CYP2B6: variants seen among roughly 807,000 people sequenced by gnomAD.
CYP2B6 encodes the protein cytochrome P450 2B6.
Under a neutral mutation model 43.4 loss-of-function variants are expected in CYP2B6, and 35 were observed. The observed-to-expected ratio is 0.81, with a 90% CI of 0.62 to 1.07. CYP2B6 has a LOEUF of 1.07. CYP2B6 is among the 50% of genes least tolerant of loss of function. CYP2B6 has a pLI of 0.00. For synonymous variants in CYP2B6, 239 were observed against 239.2 expected, an observed-to-expected ratio of 1.00 and a Z score of 0.01; for missense variants, 624 against 632.8, an observed-to-expected ratio of 0.99 and a Z score of 0.15.
At chr19:41,007,769 G>A (rs990281352) in intron 4 of CYP2B6, among the ~76,000 whole-genome samples, 2 of 152,180 alleles carry the variant, frequency 1.3e-5, no homozygotes, top group Admixed American at 6.5e-5. Flanking sequence ...GATTACAGGC[G>A]CCTGCCGCTA....
chr19:40,996,057 ACCTTATCGGTCCGGTGAC>A (rs1258976552), intron 1 of CYP2B6, among the ~76,000 whole-genome samples: 5 of 152,210 alleles, frequency 3.3e-5, no homozygotes, highest in Admixed American at 3.3e-4. Context: ...TTGCAACCTA[ACCTTATCGGTCCGGTGAC>A]CCTGCAGCTG....
intron 1 of CYP2B6, among the ~76,000 whole-genome samples, chr19:41,001,915 T>C (rs74915357): frequency 1.4e-3 from 205 of 146,590 alleles, no homozygotes; most frequent in African/African-American, 5.1e-3. Flanking sequence ...CTACGTTAGA[T>C]TGAGTGGTTA....
At chr19:40,991,879 TA>T (rs1213518153) in intron 1 of CYP2B6, among the ~76,000 whole-genome samples, 1 of 152,066 alleles carries the variant, frequency 6.6e-6, no homozygotes, top group African/African-American at 2.4e-5. Context: ...CTGCTCTGAT[TA>T]GCCAACACTT....
intron 1 of CYP2B6, among the ~76,000 whole-genome samples, chr19:40,998,235 C>A (rs184311755): frequency 1.3e-5 from 2 of 152,124 alleles, no homozygotes; most frequent in African/African-American, 4.8e-5. Context: ...GCTCTGCAGA[C>A]GCTATCTGGG....
intron 1 of CYP2B6, among the ~76,000 whole-genome samples, chr19:40,999,995 T>C (rs74833194): frequency 6.6e-6 from 1 of 152,118 alleles, no homozygotes; most frequent in Admixed American, 6.6e-5. Flanking sequence ...TTTGACCCTC[T>C]CCCTTCCTTT....
At position 41,003,862 on chromosome 19, in the gene CYP2B6, C is replaced by T. The variant is rs1294571783; in HGVS notation, c.172-139C>T. 282 of 1,144,760 alleles carry T rather than the reference C, an allele frequency of 2.5e-4. No homozygotes were observed. The African/African-American group carries it at 3.5e-3, about 14-fold the overall frequency. 70.9% of individuals were successfully genotyped at this position (1,144,760 alleles called of 1,614,324 possible). A position where few individuals can be genotyped will look rare whatever the true frequency, so the allele number is the denominator to read the frequency against. ...CCATTAACCCTTAATTGCTGGGTCCCAGCAGGGGAAAGGGCAGCCTGGGGA... is the reference window on the plus strand; with the variant it reads ...CCATTAACCCTTAATTGCTGGGTCCTAGCAGGGGAAAGGGCAGCCTGGGGA... On this transcript the variant is annotated intron_variant, in intron 1 of 8. Transcript: ENST00000324071.
At chr19:41,003,935 T>C in intron 1 of CYP2B6, 66 bp from the exon 2 acceptor site, 2 of 1,568,580 alleles carry the variant, frequency 1.3e-6, no homozygotes, top group Non-Finnish European at 8.7e-7. Context: ...TGTAAGTATT[T>C]TGATAGTTTT....
At chr19:40,997,421 T>C (rs1969013982) in intron 1 of CYP2B6, among the ~76,000 whole-genome samples, 1 of 152,110 alleles carries the variant, frequency 6.6e-6, no homozygotes, top group Admixed American at 6.5e-5. Flanking sequence ...TTGACCATAC[T>C]CCTGAATCTT....
At chr19:41,009,600 C>T (rs1969246370) in intron 5 of CYP2B6, 3 of 639,018 alleles carry the variant, frequency 4.7e-6, no homozygotes, top group African/African-American at 1.9e-5. Flanking sequence ...GGAGGAGGAA[C>T]TGAGACAGGG....
intron 5 of CYP2B6, chr19:41,009,619 G>A: frequency 3.2e-6 from 2 of 628,436 alleles, no homozygotes; most frequent in Non-Finnish European, 2.8e-6. Flanking sequence ...GGAGAGAGGG[G>A]AGGTGGGAAG....
rs561830421 is a variant in CYP2B6 at position 40,992,201 on chromosome 19, C to CAAAAA, written c.171+741_171+745dup. Among the ~76,000 whole-genome samples, 174 of 62,562 alleles carry CAAAAA rather than the reference C, an allele frequency of 2.8e-3. 3 individuals carry two copies. Among genetic ancestry groups the CAAAAA allele is most frequent in the African/African-American group, 7.6e-3 (140 of 18,384 alleles). 41.0% of individuals were successfully genotyped at this position (62,562 alleles called of 152,430 possible). A position where few individuals can be genotyped will look rare whatever the true frequency, so the allele number is the denominator to read the frequency against. Reference sequence around the variant, plus strand: ...TGGGTGACAGAGTGAGACTCCTTCTCAAAAAAAAAAAAAAAAAAAAGAATA... The same window carrying CAAAAA: ...TGGGTGACAGAGTGAGACTCCTTCTCAAAAAAAAAAAAAAAAAAAAAAAAAGAATA... On this transcript the variant is annotated intron_variant, in intron 1 of 8. Transcript: ENST00000324071.
intron 1 of CYP2B6, among the ~76,000 whole-genome samples, chr19:41,002,570 T>C (rs1356916824): frequency 6.6e-6 from 1 of 152,114 alleles, no homozygotes; most frequent in East Asian, 1.9e-4. Context: ...GTTCCTGAGA[T>C]TGAATTTTGC....
In CYP2B6 at chr19:41,016,803, C is replaced by T; in HGVS notation, c.1452C>T (p.Tyr484=). Residue 484 remains tyrosine (Y), a synonymous_variant, in exon 9 of 9, where the codon TAC becomes TAT. Coordinates refer to ENST00000324071, the MANE Select transcript of CYP2B6 (RefSeq NM_000767.5). ...GTGTGGGCAAAATACCCCCAACATA[C>T]CAGATCCGCTTCCTGCCCCGCTGAA... The part of the protein sequence containing the change: ...ECGVGKIPPT[Y]QIRFLPR The T allele has an allele frequency of 1.2e-6, 2 of 1,614,070 alleles. No homozygotes were observed. Among genetic ancestry groups the T allele is most frequent in the South Asian group, 1.1e-5 (1 of 91,068 alleles).
At position 40,991,371 on chromosome 19, in the gene CYP2B6, C is replaced by T. The variant is rs1379833166; in HGVS notation, c.66C>T (p.Arg22=). 3.1e-6 allele frequency: 5 copies of T among 1,614,108 alleles called. No individual in the cohort carries two copies. Among genetic ancestry groups the T allele is most frequent in the East Asian group, 2.2e-5 (1 of 44,878 alleles). The part of the protein sequence containing the change: ...LTGLLLLLVQ[R]HPNTHDRLPP... ...GACTCTTGCTACTCCTGGTTCAGCG[C>T]CACCCTAACACCCATGACCGCCTCC... Residue 22 remains arginine, a synonymous_variant, in exon 1 of 9, where the codon CGC becomes CGT. Transcript: ENST00000324071.
chr19:41,005,955 A>G (rs941978212), intron 3 of CYP2B6, among the ~76,000 whole-genome samples: 3 of 151,722 alleles, frequency 2.0e-5, no homozygotes, highest in Non-Finnish European at 4.4e-5. Flanking sequence ...CAGGCAAGTG[A>G]GAACCAGAGA....
At chr19:41,014,614 G>A (rs941323784) in intron 8 of CYP2B6, among the ~76,000 whole-genome samples, 7 of 152,140 alleles carry the variant, frequency 4.6e-5, no homozygotes, top group African/African-American at 1.4e-4. Flanking sequence ...CTGCTAATTT[G>A]TTTTAAGAGA....
In CYP2B6 at chr19:41,016,773, G is replaced by A; in HGVS notation, c.1422G>A (p.Glu474=). 3 of 1,614,186 alleles carry A rather than the reference G, an allele frequency of 1.9e-6. No individual in the cohort carries two copies. The highest frequency in any genetic ancestry group is 2.5e-6 in the Non-Finnish European group (3 of 1,180,034). ...APEDIDLTPQ[E]CGVGKIPPTY... ...AAGACATCGATCTGACACCCCAGGAGTGTGGTGTGGGCAAAATACCCCCAA... is the reference window on the plus strand; with the variant it reads ...AAGACATCGATCTGACACCCCAGGAATGTGGTGTGGGCAAAATACCCCCAA... The change falls in exon 9 of 9, where the codon GAG becomes GAA. Residue 474 remains glutamate, a synonymous_variant. Transcript: ENST00000324071.
At chr19:41,016,399 CAAAAAAAAAAAAAAAA>C (rs869180190) in intron 8 of CYP2B6, among the ~76,000 whole-genome samples, 37,820 of 79,320 alleles carry the variant, frequency 0.48, 6,943 homozygotes, top group South Asian at 0.61. Flanking sequence ...GACTCCATCT[CAAAAAAAAAAAAAAAA>C]AAAAAAAAAA....
chr19:41,012,853 G>A, intron 8 of CYP2B6, 38 bp downstream of exon 8: 1 of 1,612,206 alleles, frequency 6.2e-7, no homozygotes, highest in Non-Finnish European at 8.5e-7. Flanking sequence ...AGACACCAGA[G>A]GGCAGGTACT....
Sources: allele counts gnomAD v4.1 joint callset (sites outside exome capture counted in the v4.1 genomes callset), GRCh38; gene constraint gnomAD v4.1.1; transcripts MANE v1.5; gene names NCBI Gene and HGNC (gene_info 2026-07-23, HGNC 2026-07-21).